PHF3: variants seen among roughly 807,000 people sequenced by gnomAD.
The protein encoded by PHF3 is PHD finger protein 3.
PHF3 carries 41 observed loss-of-function variants against 178.4 expected under a neutral mutation model. The observed-to-expected ratio is 0.23, with a 90% CI of 0.18 to 0.30. The LOEUF (loss-of-function observed/expected upper bound fraction) is 0.30. PHF3 is among the 10% of genes least tolerant of loss of function. The probability of loss-of-function intolerance (pLI) is 1.00; values close to 1 mark genes in which losing one functional copy is unlikely to be tolerated. For synonymous variants in PHF3, 842 were observed against 800.5 expected (o/e 1.05, Z -0.88); for missense variants, 2,346 against 2,398.1 (o/e 0.98, Z 0.45).
At chr6:63,711,544 A>C (rs750231087) in intron 15 of PHF3, 42 bp from the exon 16 acceptor site, 29 of 1,506,558 alleles carry the variant, frequency 1.9e-5, no homozygotes, top group Non-Finnish European at 2.5e-5. Flanking sequence ...TTTTGCAATG[A>C]TTGAAAATGA....
rs774775026 is a variant in PHF3, at chr6:63,718,304, A to C, written c.*4596A>C. Among the ~76,000 whole-genome samples, 1 of 152,016 alleles carries C rather than the reference A, an allele frequency of 6.6e-6. No individual in the cohort carries two copies. Among genetic ancestry groups the C allele is most frequent in the African/African-American group, 2.4e-5 (1 of 41,418 alleles). On this transcript the variant is annotated 3_prime_UTR_variant, in exon 16 of 16. Coordinates refer to ENST00000262043, the MANE Select transcript of PHF3 (RefSeq NM_001370348.2). ...CTGAACGTAAAATTGCAACTGTGAA[A>C]AGCTTTAAGGCAGCAATTCTCAAAC...
At chr6:63,706,272 C>A (rs1767688832) in intron 12 of PHF3, 48 bp downstream of exon 12, 1 of 1,385,836 alleles carries the variant, frequency 7.2e-7, no homozygotes, top group Non-Finnish European at 9.9e-7. Flanking sequence ...TAGATCTTTG[C>A]CAGATTATAC....
intron 2 of PHF3, among the ~76,000 whole-genome samples, chr6:63,666,980 G>T (rs1765709004): frequency 6.6e-6 from 1 of 152,116 alleles, no homozygotes; most frequent in African/African-American, 2.4e-5. Context: ...TTGAACTCCT[G>T]ACCTCAAGTG....
intron 13 of PHF3, 110 bp downstream of exon 13, chr6:63,706,986 G>T (rs1183391599): frequency 1.1e-6 from 1 of 944,434 alleles, no homozygotes; most frequent in Admixed American, 2.3e-5. Flanking sequence ...TATTAACAAT[G>T]ATTTTTAAAC....
chr6:63,710,236 G>A (rs925751226), intron 14 of PHF3, among the ~76,000 whole-genome samples: 40 of 151,986 alleles, frequency 2.6e-4, no homozygotes, highest in African/African-American at 9.7e-4. Flanking sequence ...ATTACTCTTG[G>A]GCATTTTGAG....
chr6:63,714,250 T>G lies in PHF3; in HGVS notation c.*542T>G, dbSNP rs1768104861. On this transcript the variant is annotated 3_prime_UTR_variant, in exon 16 of 16. Transcript: ENST00000262043. ...AAGCCCAAGGGGTACATTTATTGCT[T>G]TAATCTGCACTCATTGAAGTCATTT... is the stretch of plus-strand genomic sequence containing the variant. 6.5e-6 allele frequency: 1 copy of G among 152,826 alleles called. No individual in the cohort carries two copies. The highest frequency in any genetic ancestry group is 2.4e-5 in the African/African-American group (1 of 41,446). 9.5% of individuals were successfully genotyped at this position (152,826 alleles called of 1,614,324 possible).
rs369088768 is a variant in PHF3, at chr6:63,661,548, A to G, written c.244+14753A>G. On this transcript the variant is annotated intron_variant, in intron 2 of 15. Transcript: ENST00000262043. ...TAAAAAAATCTTTAACATAATTTCAATGAACATAGGGCTTTTTCTTATATC... is the reference window on the plus strand; with the variant it reads ...TAAAAAAATCTTTAACATAATTTCAGTGAACATAGGGCTTTTTCTTATATC... Among the ~76,000 whole-genome samples, 66 of 152,322 alleles carry G rather than the reference A, an allele frequency of 4.3e-4. 1 individual carries two copies. Among genetic ancestry groups the G allele is most frequent in the Admixed American group, 2.4e-3 (37 of 15,304 alleles).
intron 4 of PHF3, among the ~76,000 whole-genome samples, chr6:63,689,738 C>G (rs1274590669): frequency 6.6e-6 from 1 of 152,134 alleles, no homozygotes; most frequent in East Asian, 1.9e-4. Flanking sequence ...TCAAACCACT[C>G]TTCCCTGGTT....
chr6:63,703,743 T>C (rs1767577944), intron 11 of PHF3, 72 bp downstream of exon 11: 1 of 1,412,894 alleles, frequency 7.1e-7, no homozygotes, highest in African/African-American at 1.5e-5. Flanking sequence ...CTAGTATATG[T>C]AATTTAAGTA....
intron 2 of PHF3, 50 bp downstream of exon 2, chr6:63,646,845 TAAAA>T: frequency 1.6e-6 from 2 of 1,230,532 alleles, no homozygotes; most frequent in African/African-American, 3.4e-5. Context: ...CAATTTAAAA[TAAAA>T]AAATTTTCAG....
chr6:63,706,773 C>T lies in PHF3; in HGVS notation c.3608C>T (p.Ala1203Val), dbSNP rs201869795. The T allele has an allele frequency of 3.5e-5, 57 of 1,613,880 alleles. No homozygotes were observed. Among genetic ancestry groups the T allele is most frequent in the Non-Finnish European group, 4.8e-5 (57 of 1,179,830 alleles). ...GTTGAAGTTGAGTCTACCTTTCTGG[C>T]TCGATTGAACTTCATCTGGAAAGGT... Reference protein sequence around the residue: ...GTVEVESTFLARLNFIWKGFI... With the variant: ...GTVEVESTFLVRLNFIWKGFI... Residue 1203 changes from alanine (A) to valine (V), a missense_variant, in exon 13 of 16, where the codon GCT (alanine) becomes GTT (valine). This residue lies in a region of PHF3 where 205 missense variants were observed against 212.4 expected (regional missense o/e 0.97). Transcript: ENST00000262043.
chr6:63,663,051 A>G (rs1765536410), intron 2 of PHF3, among the ~76,000 whole-genome samples: 2 of 152,240 alleles, frequency 1.3e-5, no homozygotes, highest in African/African-American at 4.8e-5. Context: ...AAGAATATCA[A>G]GGATCCTTGA....
chr6:63,712,312 A>T lies in PHF3; in HGVS notation c.4724A>T (p.Asn1575Ile). ...GTTTCTACAGAAGCATTTTTAACAA[A>T]TTTATCAATTCAGTCAAAACAAGAG... is the stretch of plus-strand genomic sequence containing the variant. The part of the protein sequence containing the change: ...PDVSTEAFLT[N>I]LSIQSKQEET... The change falls in exon 16 of 16, where the codon AAT becomes ATT. Residue 1575 changes from asparagine (N) to isoleucine (I), a missense_variant. Transcript: ENST00000262043. 1 of 1,613,154 alleles carries T rather than the reference A, an allele frequency of 6.2e-7. No individual in the cohort carries two copies. Among genetic ancestry groups the T allele is most frequent in the Non-Finnish European group, 8.5e-7 (1 of 1,179,766 alleles).
Position 63,716,137 on chromosome 6 carries a change from A to G in PHF3, c.*2429A>G, listed in dbSNP as rs146439673. 4.2e-3 allele frequency among the ~76,000 whole-genome samples: 632 copies of G among 152,258 alleles called. 6 individuals carry two copies. Among genetic ancestry groups the G allele is most frequent in the African/African-American group, 0.015 (604 of 41,560 alleles). On this transcript the variant is annotated 3_prime_UTR_variant, in exon 16 of 16. Transcript: ENST00000262043. The stretch of plus-strand genomic sequence containing the variant: ...GCATCCCTGGTTTTGAGCACTTAGT[A>G]TAAACATTGGTCAACTCAAAGGTGA...
At chr6:63,705,921 A>G (rs1767669291) in intron 11 of PHF3, 108 bp from the exon 12 acceptor site, 3 of 748,540 alleles carry the variant, frequency 4.0e-6, no homozygotes, top group South Asian at 2.0e-5. Flanking sequence ...ATGTATGGTT[A>G]CTCAGCAATT....
At chr6:63,666,655 G>A (rs77078126) in intron 2 of PHF3, among the ~76,000 whole-genome samples, 2,413 of 151,748 alleles carry the variant, frequency 0.016, 23 homozygotes, top group Non-Finnish European at 0.027. Context: ...CTAATACAAT[G>A]TAAGTGCTGT....
At position 63,711,837 on chromosome 6, in the gene PHF3, C is replaced by T; in HGVS notation, c.4249C>T (p.Leu1417Phe). Residue 1417 changes from leucine (L) to phenylalanine (F), a missense_variant, in exon 16 of 16, where the codon CTT becomes TTT. Around this residue, in one of 8 missense-constraint regions of PHF3, gnomAD observed 839 missense variants for 806.9 expected, o/e 1.04. Coordinates refer to ENST00000262043, the MANE Select transcript of PHF3 (RefSeq NM_001370348.2). ...GCAGAGAAATAAACCTCAGCAGAAT[C>T]TTCAGGAAGACCTTCCAACAGCAGT... ...HKQRNKPQQN[L>F]QEDLPTAVEP... is the part of the protein sequence containing the mutation. The T allele has an allele frequency of 5.0e-6, 8 of 1,614,024 alleles. No homozygotes were observed. The highest frequency in any genetic ancestry group is 6.8e-6 in the Non-Finnish European group (8 of 1,179,916).
chr6:63,688,535 G>T (rs139437513), intron 4 of PHF3, among the ~76,000 whole-genome samples: 1 of 150,540 alleles, frequency 6.6e-6, no homozygotes, highest in African/African-American at 2.4e-5. Context: ...GGGTTTCACC[G>T]TGTTGGCCAG....
In PHF3 at chr6:63,721,501, A is replaced by C. The variant is rs1249409942; in HGVS notation, c.*7793A>C. 4 of 1,551,322 alleles carry C rather than the reference A, an allele frequency of 2.6e-6. No homozygotes were observed. On this transcript the variant is annotated 3_prime_UTR_variant, in exon 16 of 16. Coordinates refer to ENST00000262043, the MANE Select transcript of PHF3 (RefSeq NM_001370348.2). ...ATAACTTGTCGGATACAGCCTTGAA[A>C]ACCTACAGGTTCATTTTCTATTGCC...
Sources: allele counts gnomAD v4.1 joint callset (sites outside exome capture counted in the v4.1 genomes callset), GRCh38; gene constraint gnomAD v4.1.1; regional missense constraint gnomAD v4.1.1; transcripts MANE v1.5; gene names NCBI Gene and HGNC (gene_info 2026-07-23, HGNC 2026-07-21).